The following ZNF555 variants were observed in gnomAD, a reference collection of about 807,000 sequenced individuals.
ZNF555 encodes zinc finger protein 555.
In ZNF555, 10 loss-of-function variants were observed where a neutral mutation model predicts 14.0. That is an observed-to-expected ratio of 0.72 (90% confidence interval 0.44 to 1.21). The LOEUF is 1.21. ZNF555 is among the 50% of genes most tolerant of loss of function. ZNF555 has a pLI of 0.00. For synonymous variants in ZNF555, 277 were observed against 262.4 expected (o/e 1.06, Z -0.54); for missense variants, 747 against 762.0 (o/e 0.98, Z 0.23).
intron 1 of ZNF555, among the ~76,000 whole-genome samples, chr19:2,850,197 G>A (rs2087616990): frequency 6.6e-6 from 1 of 152,222 alleles, no homozygotes; most frequent in South Asian, 2.1e-4. Flanking sequence ...TTGACCCTGT[G>A]CTTTGTGTAG....
chr19:2,852,767 G>C lies in ZNF555; in HGVS notation c.702G>C (p.Gly234=). ...AEKTYECKQC[G]KAFIDFSSLT... Reference sequence around the variant, plus strand: ...AAACCTACGAATGTAAGCAATGTGGGAAAGCCTTTATTGACTTCTCAAGTC... The same window carrying C: ...AAACCTACGAATGTAAGCAATGTGGCAAAGCCTTTATTGACTTCTCAAGTC... Residue 234 remains glycine, a synonymous_variant, in exon 4 of 4, where the codon GGG becomes GGC. Transcript: ENST00000334241. The C allele has an allele frequency of 3.1e-6, 5 of 1,614,142 alleles. No homozygotes were observed. The highest frequency in any genetic ancestry group is 4.2e-6 in the Non-Finnish European group (5 of 1,180,022).
rs1040627927 is a variant in ZNF555, at chr19:2,841,648, G to C, written c.3+73G>C. 5.7e-6 allele frequency: 8 copies of C among 1,407,036 alleles called. No individual in the cohort carries two copies. In the South Asian group the frequency reaches 6.1e-5, roughly 11 times the overall value. 87.2% of individuals were successfully genotyped at this position (1,407,036 alleles called of 1,614,324 possible). ...GCGACCGCCCGAGACCGCGGCTTGGGGGGAGCTGAGGGACGCGGGGGGCGG... is the reference window on the plus strand; with the variant it reads ...GCGACCGCCCGAGACCGCGGCTTGGCGGGAGCTGAGGGACGCGGGGGGCGG... On this transcript the variant is annotated intron_variant, in intron 1 of 3. Transcript: ENST00000334241.
Position 2,853,278 on chromosome 19 carries a change from T to G in ZNF555, c.1213T>G (p.Phe405Val), listed in dbSNP as rs753121119. The change falls in exon 4 of 4, where the codon TTC (phenylalanine) becomes GTC (valine). Residue 405 changes from phenylalanine to valine, a missense_variant. By Grantham distance (50) the Phe-to-Val change is conservative. Coordinates refer to ENST00000334241, the MANE Select transcript of ZNF555 (RefSeq NM_152791.5). ...PYECNQCGKA[F>V]SHPSSFRGHM... is the part of the protein sequence containing the mutation. ...TGAATGCAACCAGTGCGGGAAAGCA[T>G]TCAGTCACCCCTCCTCCTTTCGAGG... 6.2e-7 allele frequency: 1 copy of G among 1,614,122 alleles called. No individual in the cohort carries two copies. Among genetic ancestry groups the G allele is most frequent in the Non-Finnish European group, 8.5e-7 (1 of 1,180,012 alleles).
Position 2,853,118 on chromosome 19 carries a change from T to C in ZNF555, c.1053T>C (p.Tyr351=), listed in dbSNP as rs746937360. ...ECKQCGKTFI[Y]LQSFRRHERI... ...AACAATGTGGGAAAACCTTCATTTA[T>C]CTCCAGTCCTTTCGAAGACATGAAA... The change falls in exon 4 of 4, where the codon TAT becomes TAC. Residue 351 remains tyrosine (Y), a synonymous_variant. Coordinates refer to ENST00000334241, the MANE Select transcript of ZNF555 (RefSeq NM_152791.5). 1.5e-5 allele frequency: 24 copies of C among 1,613,508 alleles called. No individual in the cohort carries two copies. Among genetic ancestry groups the C allele is most frequent in the Non-Finnish European group, 1.9e-5 (22 of 1,179,886 alleles).
rs531552075 is a variant in ZNF555 at position 2,854,528 on chromosome 19, C to T, written c.*576C>T. 2.0e-5 allele frequency: 3 copies of T among 153,596 alleles called. No homozygotes were observed. Among genetic ancestry groups the T allele is most frequent in the African/African-American group, 7.2e-5 (3 of 41,550 alleles). 9.5% of individuals were successfully genotyped at this position (153,596 alleles called of 1,614,324 possible). A position where few individuals can be genotyped will look rare whatever the true frequency, so the allele number is the denominator to read the frequency against. The stretch of plus-strand genomic sequence containing the variant: ...GTTAGGAACTTCATTTGCTGGAATG[C>T]ATTTCCTTTATGGTTCCATGTCCAA... On this transcript the variant is annotated 3_prime_UTR_variant, in exon 4 of 4. Transcript: ENST00000334241.
At chr19:2,851,296 G>A (rs34190377) in intron 2 of ZNF555, among the ~76,000 whole-genome samples, 172 bp from the exon 3 acceptor site, 24,022 of 137,610 alleles carry the variant, frequency 0.17, 2,247 homozygotes, top group African/African-American at 0.26. Flanking sequence ...GCGCCTGGCC[G>A]TGAATTTTTT....
rs2087671636 is a variant in ZNF555 at position 2,854,965 on chromosome 19, G to A, written c.*1013G>A. ...ATTTGCATGGGGTCTAATTTATATA[G>A]TGAACACCTTGTTATCTTAATACTT... On this transcript the variant is annotated 3_prime_UTR_variant, in exon 4 of 4. Coordinates refer to ENST00000334241, the MANE Select transcript of ZNF555 (RefSeq NM_152791.5). 2 of 152,162 alleles carry A rather than the reference G, an allele frequency of 1.3e-5. No individual in the cohort carries two copies. Among genetic ancestry groups the A allele is most frequent in the African/African-American group, 4.8e-5 (2 of 41,434 alleles). 9.4% of individuals were successfully genotyped at this position (152,162 alleles called of 1,614,324 possible). A position where few individuals can be genotyped will look rare whatever the true frequency, so the allele number is the denominator to read the frequency against.
chr19:2,844,061 T>C (rs1431660618), intron 1 of ZNF555, among the ~76,000 whole-genome samples: 1 of 151,704 alleles, frequency 6.6e-6, no homozygotes, highest in African/African-American at 2.4e-5. Flanking sequence ...TTTTCTTTTT[T>C]TTCTTTCTCC....
chr19:2,848,432 G>A (rs887493438), intron 1 of ZNF555, among the ~76,000 whole-genome samples: 2 of 151,874 alleles, frequency 1.3e-5, no homozygotes, highest in East Asian at 1.9e-4. Flanking sequence ...GATTACAGGC[G>A]TGAGCCACCG....
Position 2,841,551 on chromosome 19 carries a change from A to G in ZNF555, c.-22A>G. The stretch of plus-strand genomic sequence containing the variant: ...TCCTGTCGCGCTCACCTGCGCCGGT[A>G]GCGAAGAAATCGCCCCGGGACATGG... On this transcript the variant is annotated 5_prime_UTR_variant, in exon 1 of 4. Coordinates refer to ENST00000334241, the MANE Select transcript of ZNF555 (RefSeq NM_152791.5). 3 of 1,544,578 alleles carry G rather than the reference A, an allele frequency of 1.9e-6. No homozygotes were observed. Among genetic ancestry groups the G allele is most frequent in the Non-Finnish European group, 2.6e-6 (3 of 1,144,200 alleles).
chr19:2,852,905 C>T lies in ZNF555; in HGVS notation c.840C>T (p.Gly280=), dbSNP rs148620935. 15 of 1,613,880 alleles carry T rather than the reference C, an allele frequency of 9.3e-6. No individual in the cohort carries two copies. In the African/African-American group the frequency reaches 1.1e-4, roughly 11 times the overall value. ...TFRRHTITHT[G]EKPYKCKECA... Reference sequence around the variant, plus strand: ...GAAGACACACAATAACACACACTGGCGAGAAGCCATATAAATGTAAGGAAT... The same window carrying T: ...GAAGACACACAATAACACACACTGGTGAGAAGCCATATAAATGTAAGGAAT... The change falls in exon 4 of 4, where the codon GGC becomes GGT. Residue 280 remains glycine (G), a synonymous_variant. Coordinates refer to ENST00000334241, the MANE Select transcript of ZNF555 (RefSeq NM_152791.5).
chr19:2,846,947 C>G (rs1400484975), intron 1 of ZNF555, among the ~76,000 whole-genome samples: 1 of 152,186 alleles, frequency 6.6e-6, no homozygotes, highest in African/African-American at 2.4e-5. Flanking sequence ...GATTGCCTCT[C>G]TTTTCATTTG....
chr19:2,854,612 T>A lies in ZNF555; in HGVS notation c.*660T>A, dbSNP rs1307741080. 1 of 153,104 alleles carries A rather than the reference T, an allele frequency of 6.5e-6. No individual in the cohort carries two copies. Among genetic ancestry groups the A allele is most frequent in the Non-Finnish European group, 1.5e-5 (1 of 68,666 alleles). The allele number at this position is 153,104 out of a possible 1,614,324, so 9.5% of individuals were successfully genotyped here. On this transcript the variant is annotated 3_prime_UTR_variant, in exon 4 of 4. Transcript: ENST00000334241. ...GAATGAAGAAGAAGTAAGTCATCGC[T>A]GAGCTTTTGGGGTCACATTAAATGG...
At chr19:2,841,623 G>C in intron 1 of ZNF555, 48 bp downstream of exon 1, 1 of 1,472,106 alleles carries the variant, frequency 6.8e-7, no homozygotes, top group Non-Finnish European at 9.0e-7. Context: ...GCAGGAACCG[G>C]CGACCGCCCG....
rs1414971040 is a variant in ZNF555, at chr19:2,859,162, AAG to A, written c.*5213_*5214del. ...GGATGCAACACGGGCTCGCGTCTAA[AAG>A]AGCTGTGCTTTGTTGGGGCTATCTG... On this transcript the variant is annotated 3_prime_UTR_variant, in exon 4 of 4. Coordinates refer to ENST00000334241, the MANE Select transcript of ZNF555 (RefSeq NM_152791.5). The A allele has an allele frequency of 1.3e-5, 2 of 152,214 alleles. No individual in the cohort carries two copies. The highest frequency in any genetic ancestry group is 2.9e-5 in the Non-Finnish European group (2 of 68,044). 9.4% of individuals were successfully genotyped at this position (152,214 alleles called of 1,614,324 possible). A position where few individuals can be genotyped will look rare whatever the true frequency, so the allele number is the denominator to read the frequency against.
intron 3 of ZNF555, 97 bp downstream of exon 3, chr19:2,851,748 C>A: frequency 8.9e-7 from 1 of 1,127,320 alleles, no homozygotes; most frequent in Non-Finnish European, 1.2e-6. Context: ...CTCATCCAAG[C>A]CTAGCTCCAA....
In ZNF555 at chr19:2,853,025, C is replaced by T. The variant is rs2144856336; in HGVS notation, c.960C>T (p.Ala320=). The T allele has an allele frequency of 6.2e-7, 1 of 1,614,050 alleles. No homozygotes were observed. The highest frequency in any genetic ancestry group is 1.7e-4 in the Middle Eastern group (1 of 6,060). ...ATAAATGTAAAGAATGTGGGGAGGCCTTCAGTTATTCTTCGGCTTTTCGAA... is the reference window on the plus strand; with the variant it reads ...ATAAATGTAAAGAATGTGGGGAGGCTTTCAGTTATTCTTCGGCTTTTCGAA... ...KPHKCKECGE[A]FSYSSAFRRH... is the part of the protein sequence containing the mutation. Residue 320 remains alanine, a synonymous_variant, in exon 4 of 4, where the codon GCC becomes GCT. Transcript: ENST00000334241.
intron 1 of ZNF555, among the ~76,000 whole-genome samples, chr19:2,849,131 C>T (rs1220867023): frequency 1.3e-5 from 2 of 152,154 alleles, no homozygotes; most frequent in African/African-American, 2.4e-5. Context: ...GTGAATAGGA[C>T]TGTTCTAGCA....
rs1471433240 is a variant in ZNF555, at chr19:2,859,576, TGAG to T, written c.*5628_*5630del. 1 of 152,184 alleles carries T rather than the reference TGAG, an allele frequency of 6.6e-6. No individual in the cohort carries two copies. The highest frequency in any genetic ancestry group is 6.5e-5 in the Admixed American group (1 of 15,268). 9.4% of individuals were successfully genotyped at this position (152,184 alleles called of 1,614,324 possible). A position where few individuals can be genotyped will look rare whatever the true frequency, so the allele number is the denominator to read the frequency against. The stretch of plus-strand genomic sequence containing the variant: ...TAACTGAGCTCCCTGGGTCTGGTAG[TGAG>T]GAGCTCAGTCTTAGAATATGAGCCG... On this transcript the variant is annotated 3_prime_UTR_variant, in exon 4 of 4. Coordinates refer to ENST00000334241, the MANE Select transcript of ZNF555 (RefSeq NM_152791.5).
Sources: gnomAD v4.1 joint callset for allele counts (sites outside exome capture counted in the v4.1 genomes callset) on GRCh38, gnomAD v4.1.1 for gene constraint, MANE v1.5 for transcripts, NCBI Gene and HGNC (gene_info 2026-07-23, HGNC 2026-07-21) for gene names.